The following GTF2I variants were observed in gnomAD, a reference collection of about 807,000 sequenced individuals.
The protein encoded by GTF2I is general transcription factor IIi.
GTF2I carries 12 observed loss-of-function variants against 67.6 expected under a neutral mutation model. The ratio of observed to expected loss-of-function variants is 0.18; its 90% CI spans 0.11 to 0.29. GTF2I has a LOEUF of 0.29. GTF2I is among the 10% of genes least tolerant of loss of function. The probability of loss-of-function intolerance (pLI) is 1.00; values close to 1 mark genes in which losing one functional copy is unlikely to be tolerated. For missense variants in GTF2I, 271 were observed against 580.1 expected, an observed-to-expected ratio of 0.47 and a Z score of 5.47; for synonymous variants, 149 against 197.0, an observed-to-expected ratio of 0.76 and a Z score of 2.04.
At chr7:74,659,420 CA>C (rs1447382866) in intron 1 of GTF2I, among the ~76,000 whole-genome samples, 22 of 151,572 alleles carry the variant, frequency 1.5e-4, no homozygotes, top group African/African-American at 5.3e-4. Flanking sequence ...GATGGAGTCT[CA>C]CTCTGTGGCC....
Position 74,658,421 on chromosome 7 carries a change from G to C in GTF2I, c.-6+353G>C, listed in dbSNP as rs587712429. On this transcript the variant is annotated intron_variant, in intron 1 of 34. Transcript: ENST00000573035. ...GCCGACCGGCGTGCGGTGGGGGGGC[G>C]CCTCGCGCGTGCGATCCCGCGCGCG... Among the ~76,000 whole-genome samples the C allele has an allele frequency of 2.8e-5, 4 of 145,238 alleles. No homozygotes were observed. The East Asian group carries it at 8.2e-4, about 30-fold the overall frequency.
chr7:74,732,210 TA>T (rs1428298118), intron 14 of GTF2I, among the ~76,000 whole-genome samples: 1 of 149,856 alleles, frequency 6.7e-6, no homozygotes, highest in Non-Finnish European at 1.5e-5. Context: ...CCGTCTCTAC[TA>T]AAAATACAAA....
At chr7:74,658,414 G>T (rs1293695662) in intron 1 of GTF2I, among the ~76,000 whole-genome samples, 10 of 145,374 alleles carry the variant, frequency 6.9e-5, no homozygotes, top group Non-Finnish European at 1.1e-4. Flanking sequence ...GCGTGCGGTG[G>T]GGGGGCGCCT....
intron 1 of GTF2I, among the ~76,000 whole-genome samples, chr7:74,660,894 C>G (rs587739139): frequency 6.6e-6 from 1 of 152,290 alleles, no homozygotes; most frequent in South Asian, 2.1e-4. Context: ...CTCCACTTCC[C>G]CCTCCAGTTT....
In GTF2I at chr7:74,689,176, C is replaced by A. The variant is rs782588651; in HGVS notation, c.48C>A (p.Ser16=). 6.2e-7 allele frequency: 1 copy of A among 1,613,054 alleles called. No individual in the cohort carries two copies. The highest frequency in any genetic ancestry group is 1.3e-5 in the African/African-American group (1 of 74,964). The change falls in exon 2 of 35, where the codon TCC becomes TCA. Residue 16 remains serine, a synonymous_variant. Transcript: ENST00000573035. ...MSTLPVEDEE[S]SESRMVVTFL... is the part of the protein sequence containing the mutation. ...CCCTCCCCGTTGAAGATGAGGAGTCCTCGGAGAGCAGGATGGTGGTGACAT... is the reference window on the plus strand; with the variant it reads ...CCCTCCCCGTTGAAGATGAGGAGTCATCGGAGAGCAGGATGGTGGTGACAT...
chr7:74,731,552 G>GTT (rs797038025), intron 14 of GTF2I, among the ~76,000 whole-genome samples: 2 of 136,392 alleles, frequency 1.5e-5, no homozygotes, highest in Non-Finnish European at 3.2e-5. Flanking sequence ...TTTTGTTGTT[G>GTT]TTTTTTTTTT....
rs782631790 is a variant in GTF2I at position 74,732,509 on chromosome 7, C to T, written c.1151C>T (p.Thr384Met). Residue 384 changes from threonine (T) to methionine (M), a missense_variant, in exon 15 of 35, where the codon ACG (threonine) becomes ATG (methionine). Thr to Met is a moderately conservative substitution (Grantham distance 81, BLOSUM62 -1). This residue lies in a region of GTF2I where 4 missense variants were observed against 33.8 expected (regional missense o/e 0.12). Coordinates refer to ENST00000573035, the MANE Select transcript of GTF2I (RefSeq NM_032999.4). ...AQAIKAKGPV[T>M]IPYPLFQSHV... ...GCCATAAAAGCCAAAGGTCCGGTGA[C>T]GATCCCGTACCCTCTTTTCCAGTCT... 4.4e-5 allele frequency: 70 copies of T among 1,588,180 alleles called. No homozygotes were observed. Among genetic ancestry groups the T allele is most frequent in the South Asian group, 1.1e-4 (9 of 84,142 alleles).
intron 10 of GTF2I, among the ~76,000 whole-genome samples, chr7:74,715,322 G>C (rs1299378156): frequency 6.6e-6 from 1 of 151,974 alleles, no homozygotes; most frequent in South Asian, 2.1e-4. Flanking sequence ...CGAATTGATT[G>C]CCTTTTTGGC....
intron 14 of GTF2I, among the ~76,000 whole-genome samples, chr7:74,731,980 A>G (rs1253793765): frequency 6.6e-6 from 1 of 150,606 alleles, no homozygotes; most frequent in Non-Finnish European, 1.5e-5. Context: ...TCTGAGTCTT[A>G]GTATCCTCTT....
intron 1 of GTF2I, among the ~76,000 whole-genome samples, chr7:74,681,251 A>G (rs782725217): frequency 1.3e-5 from 2 of 152,148 alleles, no homozygotes; most frequent in Non-Finnish European, 2.9e-5. Context: ...CCTGACCAAC[A>G]TGACGAAACC....
intron 8 of GTF2I, among the ~76,000 whole-genome samples, chr7:74,710,046 T>G (rs1791331306): frequency 6.6e-6 from 1 of 152,182 alleles, no homozygotes; most frequent in Non-Finnish European, 1.5e-5. Context: ...GTTGCAAAGG[T>G]CTCAGATGCA....
chr7:74,725,313 A>C (rs1554405437), intron 12 of GTF2I, among the ~76,000 whole-genome samples: 2 of 152,182 alleles, frequency 1.3e-5, no homozygotes, highest in Non-Finnish European at 2.9e-5. Flanking sequence ...GTTCCATATG[A>C]CTTAAAACAC....
chr7:74,665,238 C>T (rs782011391), intron 1 of GTF2I, among the ~76,000 whole-genome samples: 14 of 151,438 alleles, frequency 9.2e-5, no homozygotes, highest in Non-Finnish European at 1.6e-4. Flanking sequence ...CAACAGTGCC[C>T]GGCCTATTTT....
intron 12 of GTF2I, chr7:74,727,339 A>G (rs1189669327): frequency 1.3e-5 from 2 of 152,216 alleles, no homozygotes; most frequent in Non-Finnish European, 2.9e-5. Flanking sequence ...AGAAGTGTCT[A>G]TAGAAGTGAC....
chr7:74,685,948 G>A (rs1343837547), intron 1 of GTF2I, among the ~76,000 whole-genome samples: 1 of 152,128 alleles, frequency 6.6e-6, no homozygotes, highest in African/African-American at 2.4e-5. Context: ...AGCTACTCTG[G>A]AGGCTGAGGT....
At chr7:74,683,870 A>G (rs1353073488) in intron 1 of GTF2I, among the ~76,000 whole-genome samples, 1 of 152,128 alleles carries the variant, frequency 6.6e-6, no homozygotes, top group African/African-American at 2.4e-5. Flanking sequence ...AAGAAAAAAA[A>G]AACTTAAAAA....
At chr7:74,705,301 TA>T in intron 7 of GTF2I, 83 bp downstream of exon 7, 2 of 819,514 alleles carry the variant, frequency 2.4e-6, no homozygotes. Flanking sequence ...ATCAGAATAT[TA>T]AAAAGGCCTC....
chr7:74,706,328 G>A, intron 7 of GTF2I, 62 bp from the exon 8 acceptor site: 1 of 1,392,966 alleles, frequency 7.2e-7, no homozygotes, highest in Non-Finnish European at 1.0e-6. Flanking sequence ...CAGAGACTTT[G>A]AATGCTGTGG....
At chr7:74,711,837 T>C (rs73137172) in intron 9 of GTF2I, among the ~76,000 whole-genome samples, 139,866 of 152,196 alleles carry the variant, frequency 0.92, 64,433 homozygotes, top group East Asian at 1. Context: ...ATTTATTCAT[T>C]TCTTTGTCTG....
Sources: gnomAD v4.1 joint callset for allele counts (sites outside exome capture counted in the v4.1 genomes callset) on GRCh38, gnomAD v4.1.1 for gene constraint, gnomAD v4.1.1 regional missense constraint, MANE v1.5 for transcripts, NCBI Gene and HGNC (gene_info 2026-07-23, HGNC 2026-07-21) for gene names.